The following DHX57 variants were observed in gnomAD, a reference collection of about 807,000 sequenced individuals.
DHX57 encodes the protein DExH-box helicase 57, also known as putative ATP-dependent RNA helicase DHX57.
DHX57 carries 105 observed loss-of-function variants against 156.2 expected under a neutral mutation model. The observed-to-expected ratio is 0.67, with a 90% CI of 0.57 to 0.79. DHX57 has a LOEUF of 0.79. Among genes scored for constraint, DHX57 ranks in the 30% least tolerant of loss-of-function variants. The pLI is 0.00. For synonymous variants in DHX57, 704 were observed against 595.6 expected (o/e 1.18, Z -2.65); for missense variants, 1,847 against 1,661.9 (o/e 1.11, Z -1.94).
intron 11 of DHX57, 152 bp from the exon 12 acceptor site, chr2:38,843,362 C>A: frequency 1.3e-6 from 1 of 775,890 alleles, no homozygotes; most frequent in South Asian, 1.8e-5. Context: ...CTGGCTGTAC[C>A]CTATTTCTGG....
chr2:38,825,824 A>G (rs1472832482), intron 16 of DHX57, 23 bp downstream of exon 16: 10 of 1,613,386 alleles, frequency 6.2e-6, no homozygotes, highest in Non-Finnish European at 7.6e-6. Flanking sequence ...TTTGGAAGCA[A>G]AACACAAAAA....
At chr2:38,820,010 C>T (rs1436919723) in intron 17 of DHX57, among the ~76,000 whole-genome samples, 3 of 152,332 alleles carry the variant, frequency 2.0e-5, no homozygotes, top group East Asian at 3.9e-4. Context: ...CCTTCTCAGG[C>T]TCTAAAGGTA....
rs764012601 is a variant in DHX57, at chr2:38,815,630, A to C, written c.3497T>G (p.Phe1166Cys). 6.2e-7 allele frequency: 1 copy of C among 1,614,066 alleles called. No individual in the cohort carries two copies. The highest frequency in any genetic ancestry group is 1.7e-5 in the Admixed American group (1 of 59,974). ...CCCTATATCCGATAACAGTTCCGTG[A>C]ATTGTCGTTTGAGGCTGGCCATTTC... ...LQEMASLKRQ[F>C]TELLSDIGFA... The change falls in exon 20 of 24, where the codon TTC (phenylalanine) becomes TGC (cysteine). Residue 1166 changes from phenylalanine (F) to cysteine (C), a missense_variant. Coordinates refer to ENST00000457308, the MANE Select transcript of DHX57 (RefSeq NM_198963.3).
intron 11 of DHX57, 112 bp from the exon 12 acceptor site, chr2:38,843,322 C>A: frequency 9.5e-7 from 1 of 1,051,200 alleles, no homozygotes; most frequent in South Asian, 1.5e-5. Context: ...CTGCCCAATT[C>A]ACATGCCATC....
At chr2:38,853,269 C>G (rs1208937909) in intron 9 of DHX57, 1 of 147,612 alleles carries the variant, frequency 6.8e-6, no homozygotes, top group Non-Finnish European at 1.5e-5. Flanking sequence ...TGACTACTGG[C>G]TATTTTTTGT....
At chr2:38,830,880 G>A (rs780333663) in intron 13 of DHX57, among the ~76,000 whole-genome samples, 3 of 152,156 alleles carry the variant, frequency 2.0e-5, no homozygotes, top group East Asian at 3.9e-4. Flanking sequence ...GACTGCTTGA[G>A]CCTAGGAGTT....
chr2:38,860,597 G>A (rs1163632421), intron 5 of DHX57, among the ~76,000 whole-genome samples: 2 of 152,158 alleles, frequency 1.3e-5, no homozygotes, highest in South Asian at 2.1e-4. Flanking sequence ...GGAGGGTATG[G>A]ATAGTGGTAT....
At position 38,806,430 on chromosome 2, in the gene DHX57, C is replaced by A. The variant is rs571140268; in HGVS notation, c.3816+129G>T. ...AATTTCCAGTCTGTTTATTCTTATT[C>A]AATCTTCCCTCAGTCAGTGGTATTG... On this transcript the variant is annotated intron_variant, in intron 22 of 23. Transcript: ENST00000457308. 16 of 1,020,400 alleles carry A rather than the reference C, an allele frequency of 1.6e-5. 1 individual carries two copies. The highest frequency in any genetic ancestry group is 2.0e-5 in the Non-Finnish European group (14 of 709,738). The allele number at this position is 1,020,400 out of a possible 1,614,324, so 63.2% of individuals were successfully genotyped here.
intron 13 of DHX57, among the ~76,000 whole-genome samples, chr2:38,830,418 A>G (rs1213343506): frequency 6.6e-6 from 1 of 152,064 alleles, no homozygotes; most frequent in Non-Finnish European, 1.5e-5. Flanking sequence ...ACCTGAGGTC[A>G]AGAGTTCAAG....
At position 38,826,671 on chromosome 2, in the gene DHX57, A is replaced by C; in HGVS notation, c.2658T>G (p.Leu886=). 6.2e-7 allele frequency: 1 copy of C among 1,614,122 alleles called. No individual in the cohort carries two copies. Among genetic ancestry groups the C allele is most frequent in the South Asian group, 1.1e-5 (1 of 91,074 alleles). The change falls in exon 15 of 24, where the codon CTT becomes CTG. Residue 886 remains leucine (L), a synonymous_variant. Coordinates refer to ENST00000457308, the MANE Select transcript of DHX57 (RefSeq NM_198963.3). ...RRSNRCVIHP[L]HSSLSSEEQQ... is the part of the protein sequence containing the mutation. Reference sequence around the variant, plus strand: ...GCTCTTCACTGGATAAAGATGAATGAAGTGGGTGAATAACACATCTGGAAG... The same window carrying C: ...GCTCTTCACTGGATAAAGATGAATGCAGTGGGTGAATAACACATCTGGAAG...
intron 20 of DHX57, among the ~76,000 whole-genome samples, chr2:38,814,792 G>A (rs928440034): frequency 6.6e-6 from 1 of 151,298 alleles, no homozygotes; most frequent in Non-Finnish European, 1.5e-5. Flanking sequence ...GCGCGATCTC[G>A]GCTCACCGCA....
chr2:38,828,475 G>C lies in DHX57; in HGVS notation c.2543-39C>G. The C allele has an allele frequency of 1.4e-6, 2 of 1,444,508 alleles. 1 individual carries two copies. The highest frequency in any genetic ancestry group is 2.6e-5 in the South Asian group (2 of 76,580). The allele number at this position is 1,444,508 out of a possible 1,614,324, so 89.5% of individuals were successfully genotyped here. ...AAGAATCAATATGTGGGTAAGCATAGGCACAGAAAAGAAACAAGAAAAATT... is the reference window on the plus strand; with the variant it reads ...AAGAATCAATATGTGGGTAAGCATACGCACAGAAAAGAAACAAGAAAAATT... On this transcript the variant is annotated intron_variant, in intron 13 of 23. Coordinates refer to ENST00000457308, the MANE Select transcript of DHX57 (RefSeq NM_198963.3).
At chr2:38,806,788 G>T in intron 21 of DHX57, 95 bp from the exon 22 acceptor site, 1 of 1,248,706 alleles carries the variant, frequency 8.0e-7, no homozygotes. Flanking sequence ...GTCTTGCTCA[G>T]TCTTGCTTGA....
At chr2:38,802,961 A>C (rs1042126699) in intron 22 of DHX57, 46 bp from the exon 23 acceptor site, 1 of 1,607,272 alleles carries the variant, frequency 6.2e-7, no homozygotes, top group African/African-American at 1.3e-5. Context: ...CACTGGCAAC[A>C]AAAAGGGAAC....
Position 38,798,202 on chromosome 2 carries a change from A to T in DHX57, c.*97T>A, listed in dbSNP as rs975226654. 3.3e-6 allele frequency: 5 copies of T among 1,502,732 alleles called. No homozygotes were observed. The African/African-American group carries it at 7.0e-5, about 21-fold the overall frequency. The allele number at this position is 1,502,732 out of a possible 1,614,324, so 93.1% of individuals were successfully genotyped here. Reference sequence around the variant, plus strand: ...TGCCCTGGGCTCCTCCACCAGGGCCAGCCCCAATAGGTCTTTAGTTCGAGG... The same window carrying T: ...TGCCCTGGGCTCCTCCACCAGGGCCTGCCCCAATAGGTCTTTAGTTCGAGG... On this transcript the variant is annotated 3_prime_UTR_variant, in exon 24 of 24. Transcript: ENST00000457308.
intron 21 of DHX57, chr2:38,811,206 G>T: frequency 2.0e-6 from 1 of 491,710 alleles, no homozygotes. Context: ...AGATCACTGC[G>T]GCCCTTGGAC....
rs183226297 is a variant in DHX57, at chr2:38,804,558, C to T, written c.3817-1643G>A. Among the ~76,000 whole-genome samples the T allele has an allele frequency of 1.2e-3, 180 of 152,166 alleles. 1 individual carries two copies. Among genetic ancestry groups the T allele is most frequent in the Admixed American group, 0.012 (178 of 15,258 alleles). Reference sequence around the variant, plus strand: ...AAGTCCAATTATGGCTCAAAACCCTCCAATGGTGTCCAAGGATAAAAATCT... The same window carrying T: ...AAGTCCAATTATGGCTCAAAACCCTTCAATGGTGTCCAAGGATAAAAATCT... On this transcript the variant is annotated intron_variant, in intron 22 of 23. Transcript: ENST00000457308.
chr2:38,800,057 T>G lies in DHX57; in HGVS notation c.4018-1615A>C, dbSNP rs527649217. The stretch of plus-strand genomic sequence containing the variant: ...ACAAAATTAGCCGGGTGGTGGCGTA[T>G]GCCTGTAATCCCAGCTACTTGGGAG... On this transcript the variant is annotated intron_variant, in intron 23 of 23. Coordinates refer to ENST00000457308, the MANE Select transcript of DHX57 (RefSeq NM_198963.3). Among the ~76,000 whole-genome samples, 194 of 151,764 alleles carry G rather than the reference T, an allele frequency of 1.3e-3. 1 individual carries two copies. The highest frequency in any genetic ancestry group is 4.6e-3 in the African/African-American group (191 of 41,370).
intron 16 of DHX57, among the ~76,000 whole-genome samples, chr2:38,825,548 C>T (rs1671045136): frequency 6.6e-6 from 1 of 152,166 alleles, no homozygotes; most frequent in Non-Finnish European, 1.5e-5. Flanking sequence ...GGTGATCCAC[C>T]TGCCTCAGTC....
Sources: gnomAD v4.1 joint callset for allele counts (sites outside exome capture counted in the v4.1 genomes callset) on GRCh38, gnomAD v4.1.1 for gene constraint, MANE v1.5 for transcripts, NCBI Gene and HGNC (gene_info 2026-07-23, HGNC 2026-07-21) for gene names.